The following CDKL4 variants were observed in gnomAD, a reference collection of about 807,000 sequenced individuals.
The protein encoded by CDKL4 is cyclin-dependent kinase-like 4.
In CDKL4, 44 loss-of-function variants were observed where a neutral mutation model predicts 42.0. The observed-to-expected ratio is 1.05, with a 90% CI of 0.82 to 1.35. CDKL4 has a LOEUF of 1.35. Among genes scored for constraint, CDKL4 ranks in the 40% most tolerant of loss-of-function variants. The pLI is 0.00. For missense variants in CDKL4, 393 were observed against 369.9 expected, an observed-to-expected ratio of 1.06 and a Z score of -0.51; for synonymous variants, 120 against 121.6, an observed-to-expected ratio of 0.99 and a Z score of 0.09.
chr2:39,180,025 CAA>C lies in CDKL4; in HGVS notation c.793-706_793-705del, dbSNP rs1200983854. Among the ~76,000 whole-genome samples, 6 of 152,056 alleles carry C rather than the reference CAA, an allele frequency of 3.9e-5. No homozygotes were observed. In the East Asian group the frequency reaches 5.8e-4, roughly 15 times the overall value. ...AGAGGGGTCAGTGGGGGTCCTGACACAAAGAGGTTTTCTCTGAGAAACACTGA... is the reference window on the plus strand; with the variant it reads ...AGAGGGGTCAGTGGGGGTCCTGACACAGAGGTTTTCTCTGAGAAACACTGA... On this transcript the variant is annotated intron_variant, in intron 8 of 9. Coordinates refer to ENST00000451199, the Ensembl canonical transcript of CDKL4.
chr2:39,236,681 T>C (rs1238768243), intron 1 of CDKL4, among the ~76,000 whole-genome samples: 1 of 150,734 alleles, frequency 6.6e-6, no homozygotes, highest in Non-Finnish European at 1.5e-5. Context: ...CTAGCTAGAG[T>C]AGGCAAGAAA....
intron 9 of CDKL4, chr2:39,178,470 GTCAGA>G (rs1266264612): frequency 1.4e-5 from 16 of 1,157,738 alleles, no homozygotes; most frequent in Non-Finnish European, 1.9e-5. Flanking sequence ...CCTTCTCTGT[GTCAGA>G]TACTGTTTTA....
At chr2:39,229,807 A>C (rs1678984505) in intron 1 of CDKL4, among the ~76,000 whole-genome samples, 1 of 152,232 alleles carries the variant, frequency 6.6e-6, no homozygotes, top group African/African-American at 2.4e-5. Flanking sequence ...CAATGGTTCT[A>C]TGTTGACCTC....
chr2:39,238,645 A>G (rs567343498), intron 1 of CDKL4, among the ~76,000 whole-genome samples: 1 of 152,360 alleles, frequency 6.6e-6, no homozygotes, highest in East Asian at 1.9e-4. Flanking sequence ...GTTATGGTAA[A>G]TCAAGACTGT....
intron 3 of CDKL4, 108 bp from the exon 4 acceptor site, chr2:39,213,580 C>T (rs1161749567): frequency 1.6e-6 from 1 of 624,224 alleles, no homozygotes; most frequent in Middle Eastern, 2.6e-4. Context: ...TCAAGGAACA[C>T]CATGCGGAAG....
intron 3 of CDKL4, among the ~76,000 whole-genome samples, chr2:39,224,103 G>C (rs757830885): frequency 6.6e-6 from 1 of 152,168 alleles, no homozygotes; most frequent in African/African-American, 2.4e-5. Context: ...TGCATAGGTA[G>C]ACATAAAATT....
intron 3 of CDKL4, among the ~76,000 whole-genome samples, chr2:39,220,475 C>T (rs1229191351): frequency 1.2e-4 from 19 of 152,036 alleles, no homozygotes; most frequent in African/African-American, 2.4e-4. Flanking sequence ...TGATTTATAA[C>T]GGGGAATGTA....
intron 1 of CDKL4, among the ~76,000 whole-genome samples, chr2:39,236,541 T>C (rs1427588885): frequency 1.3e-5 from 2 of 152,102 alleles, no homozygotes; most frequent in East Asian, 3.8e-4. Context: ...AAAGACAACA[T>C]CTTGAAAAGA....
intron 1 of CDKL4, among the ~76,000 whole-genome samples, chr2:39,230,352 C>G (rs1438175747): frequency 1.3e-5 from 2 of 152,198 alleles, no homozygotes; most frequent in East Asian, 1.9e-4. Context: ...CTGAAAAACA[C>G]AAAACAATAA....
chr2:39,234,032 G>A (rs1190539269), intron 1 of CDKL4, among the ~76,000 whole-genome samples: 1 of 149,754 alleles, frequency 6.7e-6, no homozygotes, highest in African/African-American at 2.5e-5. Context: ...TCCTGCCTCC[G>A]CCTCCTGAAT....
intron 5 of CDKL4, among the ~76,000 whole-genome samples, chr2:39,202,034 C>A (rs761487514): frequency 6.6e-6 from 1 of 152,060 alleles, no homozygotes; most frequent in African/African-American, 2.4e-5. Context: ...GAGTTCAAGA[C>A]AAGCCTGGCC....
the CDKL4 span, among the ~76,000 whole-genome samples, chr2:39,168,198 A>G: frequency 6.6e-6 from 1 of 152,048 alleles, no homozygotes; most frequent in African/African-American, 2.4e-5. Flanking sequence ...CTAATTATCA[A>G]TGTTAACTAA....
At chr2:39,204,586 A>G in exon 5 of CDKL4, 1 of 1,604,034 alleles carries the variant, frequency 6.2e-7, no homozygotes, top group Admixed American at 1.7e-5. Context: ...AGTTATTAGA[A>G]TATTTTCAGG....
At chr2:39,210,712 T>A (rs1006146026) in intron 4 of CDKL4, among the ~76,000 whole-genome samples, 1 of 152,144 alleles carries the variant, frequency 6.6e-6, no homozygotes, top group Non-Finnish European at 1.5e-5. Flanking sequence ...TAACTACCCA[T>A]AAAACTCCTG....
At chr2:39,213,887 T>C (rs1222425513) in intron 3 of CDKL4, among the ~76,000 whole-genome samples, 1 of 150,586 alleles carries the variant, frequency 6.6e-6, no homozygotes, top group Non-Finnish European at 1.5e-5. Flanking sequence ...CTCTCTGTAC[T>C]TTTTTTGTTT....
chr2:39,209,492 T>G (rs185558442), intron 4 of CDKL4, among the ~76,000 whole-genome samples: 5 of 152,300 alleles, frequency 3.3e-5, no homozygotes, highest in Admixed American at 3.3e-4. Flanking sequence ...CGTATTTTCT[T>G]AAGTCCTGCG....
chr2:39,222,317 T>C (rs560634721), intron 3 of CDKL4, among the ~76,000 whole-genome samples: 1 of 152,156 alleles, frequency 6.6e-6, no homozygotes, highest in East Asian at 1.9e-4. Flanking sequence ...AGGCCAGGTG[T>C]GGGGACTCAT....
chr2:39,242,024 T>C (rs943347318), intron 1 of CDKL4, among the ~76,000 whole-genome samples: 1 of 151,638 alleles, frequency 6.6e-6, no homozygotes, highest in Non-Finnish European at 1.5e-5. Context: ...TGGTTGAAAA[T>C]AGTTTTCTTT....
At chr2:39,218,022 T>C (rs1678044441) in intron 3 of CDKL4, among the ~76,000 whole-genome samples, 1 of 151,492 alleles carries the variant, frequency 6.6e-6, no homozygotes. Flanking sequence ...CGTGAGCCAC[T>C]GCGCCTGGCC....
Sources: gnomAD v4.1 joint callset for allele counts (sites outside exome capture counted in the v4.1 genomes callset) on GRCh38, gnomAD v4.1.1 for gene constraint, MANE v1.5 for transcripts, NCBI Gene and HGNC (gene_info 2026-07-23, HGNC 2026-07-21) for gene names.